RANBP17: variants seen among roughly 807,000 people sequenced by gnomAD.
The protein encoded by RANBP17 is ran-binding protein 17.
Under a neutral mutation model 141.2 loss-of-function variants are expected in RANBP17, and 158 were observed. That is an observed-to-expected ratio of 1.12 (90% confidence interval 0.98 to 1.28). RANBP17 has a LOEUF of 1.28. Among genes scored for constraint, RANBP17 ranks in the 50% most tolerant of loss-of-function variants. The pLI is 0.00. For missense variants in RANBP17, 1,438 were observed against 1,290.7 expected, an observed-to-expected ratio of 1.11 and a Z score of -1.75; for synonymous variants, 430 against 450.0, an observed-to-expected ratio of 0.96 and a Z score of 0.56.
chr5:170,881,891 A>AC lies in RANBP17; in HGVS notation c.252dup (p.Ile85HisfsTer29), dbSNP rs766570158. 1 of 1,596,188 alleles carries AC rather than the reference A, an allele frequency of 6.3e-7. No homozygotes were observed. Among genetic ancestry groups the AC allele is most frequent in the African/African-American group, 1.3e-5 (1 of 74,226 alleles). On this transcript the variant is annotated frameshift_variant, in exon 3 of 28. Coordinates refer to ENST00000523189, the MANE Select transcript of RANBP17 (RefSeq NM_022897.5). LOFTEE classifies it high-confidence loss of function. ...CCTTTACCTGTTGAGCAGAGGATGG[A>AC]CATCAGTAAGTGGCTTATTATGCTT...
chr5:171,138,105 A>G (rs901334737), intron 14 of RANBP17, among the ~76,000 whole-genome samples: 18 of 152,132 alleles, frequency 1.2e-4, no homozygotes, highest in African/African-American at 4.3e-4. Flanking sequence ...ATTGCCCTTG[A>G]GAACTTTTTA....
intron 12 of RANBP17, among the ~76,000 whole-genome samples, chr5:170,933,521 G>A (rs1773583102): frequency 6.6e-6 from 1 of 152,112 alleles, no homozygotes; most frequent in South Asian, 2.1e-4. Context: ...GTCAATTTTA[G>A]ATCTTTCTAG....
At chr5:171,242,552 CTATATATT>C in intron 23 of RANBP17, 122 bp from the exon 24 acceptor site, 1 of 916,938 alleles carries the variant, frequency 1.1e-6, no homozygotes, top group South Asian at 1.6e-5. Flanking sequence ...GTCATTTGCT[CTATATATT>C]TATTGACCTT....
intron 14 of RANBP17, among the ~76,000 whole-genome samples, chr5:171,101,586 C>T (rs1366142400): frequency 6.6e-6 from 1 of 152,142 alleles, no homozygotes; most frequent in South Asian, 2.1e-4. Flanking sequence ...GGGCATTTAA[C>T]CCATTTACAT....
intron 19 of RANBP17, among the ~76,000 whole-genome samples, chr5:171,204,580 G>A (rs1006465077): frequency 2.3e-4 from 35 of 152,018 alleles, no homozygotes; most frequent in Non-Finnish European, 3.5e-4. Context: ...CTCAATTATC[G>A]CACCCCCTTG....
At chr5:170,952,164 T>C (rs1775264205) in intron 12 of RANBP17, among the ~76,000 whole-genome samples, 1 of 152,008 alleles carries the variant, frequency 6.6e-6, no homozygotes. Context: ...ATGATAGACT[T>C]TTATATTGAC....
intron 1 of RANBP17, among the ~76,000 whole-genome samples, chr5:170,864,175 A>G (rs772900612): frequency 4.6e-5 from 7 of 152,190 alleles, no homozygotes; most frequent in Non-Finnish European, 1.0e-4. Flanking sequence ...ACAGAGTTAG[A>G]GTAGGCCTCA....
chr5:171,136,699 A>G (rs1040981604), intron 14 of RANBP17, among the ~76,000 whole-genome samples: 9 of 152,268 alleles, frequency 5.9e-5, no homozygotes, highest in African/African-American at 1.9e-4. Flanking sequence ...TGTTTTTGGT[A>G]TATGTAGATA....
chr5:171,145,405 T>A (rs1293875390), intron 14 of RANBP17, among the ~76,000 whole-genome samples: 4 of 152,152 alleles, frequency 2.6e-5, no homozygotes, highest in Non-Finnish European at 5.9e-5. Context: ...TCTTTTTTTT[T>A]AAATGAAATA....
intron 1 of RANBP17, among the ~76,000 whole-genome samples, chr5:170,874,338 A>G (rs554307818): frequency 1.2e-4 from 19 of 152,208 alleles, no homozygotes; most frequent in East Asian, 1.9e-4. Context: ...GTAGATATCT[A>G]TCAGGTCCCC....
At chr5:170,893,177 T>G (rs1290274106) in intron 4 of RANBP17, among the ~76,000 whole-genome samples, 1 of 151,716 alleles carries the variant, frequency 6.6e-6, no homozygotes, top group African/African-American at 2.4e-5. Flanking sequence ...TTAACCTAAG[T>G]GATTAAAATA....
intron 14 of RANBP17, among the ~76,000 whole-genome samples, chr5:171,020,294 T>C (rs1780757894): frequency 6.6e-6 from 1 of 152,156 alleles, no homozygotes; most frequent in Non-Finnish European, 1.5e-5. Context: ...CACTTGATCC[T>C]GAGCTGAGTT....
chr5:171,070,911 T>C (rs1784593767), intron 14 of RANBP17, among the ~76,000 whole-genome samples: 1 of 152,140 alleles, frequency 6.6e-6, no homozygotes, highest in Non-Finnish European at 1.5e-5. Context: ...TTGTTTAACC[T>C]GTCTCCAATA....
chr5:171,049,142 A>G (rs1293738769), intron 14 of RANBP17, among the ~76,000 whole-genome samples: 1 of 152,078 alleles, frequency 6.6e-6, no homozygotes, highest in East Asian at 1.9e-4. Context: ...ACCAGCATGT[A>G]TTATTTTTTG....
At chr5:170,934,604 C>G (rs915319677) in intron 12 of RANBP17, among the ~76,000 whole-genome samples, 1 of 152,166 alleles carries the variant, frequency 6.6e-6, no homozygotes, top group African/African-American at 2.4e-5. Context: ...GTTGAAAATT[C>G]TTTTCTTGAA....
At chr5:171,130,431 CTTTTTTTTTTTTT>C (rs72051535) in intron 14 of RANBP17, among the ~76,000 whole-genome samples, 2 of 90,018 alleles carry the variant, frequency 2.2e-5, no homozygotes, top group African/African-American at 8.8e-5. Flanking sequence ...TTTAAAAAGA[CTTTTTTTTTTTTT>C]TTTTTTTTTG....
chr5:171,238,982 C>G (rs990784680), intron 22 of RANBP17, among the ~76,000 whole-genome samples: 1 of 152,172 alleles, frequency 6.6e-6, no homozygotes, highest in Non-Finnish European at 1.5e-5. Flanking sequence ...TTTCCCCCAA[C>G]GGACTGAACT....
At chr5:171,272,861 A>C (rs1473598659) in intron 25 of RANBP17, among the ~76,000 whole-genome samples, 2 of 152,110 alleles carry the variant, frequency 1.3e-5, no homozygotes, top group Non-Finnish European at 2.9e-5. Flanking sequence ...GTTGCTGCAG[A>C]AAAAGCCCTG....
chr5:170,892,792 T>C (rs1347227667), intron 4 of RANBP17, among the ~76,000 whole-genome samples: 1 of 152,252 alleles, frequency 6.6e-6, no homozygotes, highest in Non-Finnish European at 1.5e-5. Flanking sequence ...AAAATGTGTG[T>C]ACATTTATGA....
Sources: allele counts gnomAD v4.1 joint callset (sites outside exome capture counted in the v4.1 genomes callset), GRCh38; gene constraint gnomAD v4.1.1; transcripts MANE v1.5; gene names NCBI Gene and HGNC (gene_info 2026-07-23, HGNC 2026-07-21).